USP6NL: variants seen among roughly 807,000 people sequenced by gnomAD.
The protein encoded by USP6NL is USP6 N-terminal like.
A neutral mutation model predicts 61.9 loss-of-function variants in USP6NL; 26 were observed. The observed-to-expected ratio is 0.42, with a 90% CI of 0.31 to 0.58. The LOEUF is 0.58. Ranked by LOEUF, USP6NL falls within the 20% of genes least tolerant of loss-of-function variation. USP6NL has a pLI of 0.16. For missense variants in USP6NL, 1,114 were observed against 1,034.3 expected (o/e 1.08, Z -1.06); for synonymous variants, 432 against 390.1 (o/e 1.11, Z -1.27).
Position 11,597,291 on chromosome 10 carries a change from C to G in USP6NL, c.4+340G>C, listed in dbSNP as rs1289236170. On this transcript the variant is annotated intron_variant, in intron 2 of 14. Transcript: ENST00000609104. The surrounding 1 kb of genome is among the most constrained non-coding windows in gnomAD (Gnocchi z 4.6). The stretch of plus-strand genomic sequence containing the variant: ...ATGATTAAATTTCACACAATAAAAT[C>G]TCTACTAATTATGGTCAACTGCAAT... 6.6e-6 allele frequency among the ~76,000 whole-genome samples: 1 copy of G among 152,060 alleles called. No homozygotes were observed. The highest frequency in any genetic ancestry group is 1.5e-5 in the Non-Finnish European group (1 of 68,006).
rs575122909 is a variant in USP6NL at position 11,463,645 on chromosome 10, G to A, written c.1283C>T (p.Ala428Val). The A allele has an allele frequency of 6.2e-7, 1 of 1,613,968 alleles. No homozygotes were observed. The highest frequency in any genetic ancestry group is 1.1e-5 in the South Asian group (1 of 91,076). ...CACCGATTTCCGTCTTGGCGGCTGT[G>A]CTCTCTCGGGCGTCCCGGTCCTGCT... The part of the protein sequence containing the change: ...PQSRTGTPER[A>V]QPPRRKSVEE... The change falls in exon 15 of 15, where the codon GCA (alanine) becomes GTA (valine). Residue 428 changes from alanine to valine, a missense_variant. By Grantham distance (64) the Ala-to-Val change is moderately conservative (BLOSUM62 0). Transcript: ENST00000609104. This position sits in a 1 kb window ranked among gnomAD's most constrained non-coding sequence, Gnocchi z 6.3.
intron 1 of USP6NL, among the ~76,000 whole-genome samples, chr10:11,605,887 A>G (rs1489335948): frequency 2.0e-5 from 3 of 152,200 alleles, no homozygotes; most frequent in Non-Finnish European, 2.9e-5. Flanking sequence ...TTCAGGGAGA[A>G]AATCTAACAT....
In USP6NL at chr10:11,463,457, A is replaced by G. The variant is rs762160431; in HGVS notation, c.1471T>C (p.Ser491Pro). 6.2e-7 allele frequency: 1 copy of G among 1,613,912 alleles called. No homozygotes were observed. Among genetic ancestry groups the G allele is most frequent in the African/African-American group, 1.3e-5 (1 of 74,930 alleles). The change falls in exon 15 of 15, where the codon TCA becomes CCA. Residue 491 changes from serine to proline, a missense_variant. By Grantham distance (74) the Ser-to-Pro change is moderately conservative (BLOSUM62 -1). Transcript: ENST00000609104. This position sits in a 1 kb window ranked among gnomAD's most constrained non-coding sequence, Gnocchi z 6.3. ...KEFVPKWNKP[S>P]DVSATERTAK... is the part of the protein sequence containing the mutation. ...GTTCTCTCTGTAGCTGAGACGTCTG[A>G]CGGTTTATTCCATTTGGGCACAAAC...
Position 11,610,779 on chromosome 10 carries a change from G to C in USP6NL, c.-84+664C>G, listed in dbSNP as rs569594381. Among the ~76,000 whole-genome samples, 62 of 152,182 alleles carry C rather than the reference G, an allele frequency of 4.1e-4. 1 individual carries two copies. In the South Asian group the frequency reaches 0.011, roughly 27 times the overall value. ...GTTGGGAAAGAAAGGGATAAGGGTT[G>C]GGGGTGGGGAGAGACAACATTTTCA... is the stretch of plus-strand genomic sequence containing the variant. On this transcript the variant is annotated intron_variant, in intron 1 of 14. Transcript: ENST00000609104.
intron 6 of USP6NL, among the ~76,000 whole-genome samples, chr10:11,502,064 C>T (rs1423360358): frequency 6.6e-6 from 1 of 152,070 alleles, no homozygotes; most frequent in Non-Finnish European, 1.5e-5. Flanking sequence ...GGAGACCATC[C>T]TGGCTAACAC....
Position 11,513,055 on chromosome 10 carries a change from TAC to T in USP6NL, c.196-3382_196-3381del, listed in dbSNP as rs532454694. On this transcript the variant is annotated intron_variant, in intron 5 of 14. Coordinates refer to ENST00000609104, the MANE Select transcript of USP6NL (RefSeq NM_014688.5). This position sits in a 1 kb window ranked among gnomAD's most constrained non-coding sequence, Gnocchi z 4.7. ...ATTATCAAAGTATGAACTCCTTGACTACAGAGACTGGATATGTTCATGTTTTT... is the reference window on the plus strand; with the variant it reads ...ATTATCAAAGTATGAACTCCTTGACTAGAGACTGGATATGTTCATGTTTTT... Among the ~76,000 whole-genome samples, 34 of 152,368 alleles carry T rather than the reference TAC, an allele frequency of 2.2e-4. No individual in the cohort carries two copies. Among genetic ancestry groups the T allele is most frequent in the Admixed American group, 9.8e-4 (15 of 15,304 alleles).
intron 14 of USP6NL, among the ~76,000 whole-genome samples, chr10:11,473,118 G>T (rs1351738191): frequency 6.6e-6 from 1 of 152,186 alleles, no homozygotes; most frequent in African/African-American, 2.4e-5. Flanking sequence ...CTATGTATGT[G>T]CAGTCAAGCT....
chr10:11,514,699 CTG>C (rs1315064976), intron 5 of USP6NL, among the ~76,000 whole-genome samples: 1 of 152,182 alleles, frequency 6.6e-6, no homozygotes, highest in Admixed American at 6.5e-5. Context: ...GTTCAAGAAC[CTG>C]TGATTCCCTG....
chr10:11,533,229 A>G (rs1207114722), intron 2 of USP6NL, among the ~76,000 whole-genome samples: 1 of 152,258 alleles, frequency 6.6e-6, no homozygotes, highest in African/African-American at 2.4e-5. Flanking sequence ...CTAATCAGCT[A>G]GAAGATAATG....
At chr10:11,570,678 G>T (rs1379071704) in intron 2 of USP6NL, among the ~76,000 whole-genome samples, 1 of 152,124 alleles carries the variant, frequency 6.6e-6, no homozygotes, top group African/African-American at 2.4e-5. Flanking sequence ...AGAAAAGCAG[G>T]ATCTTCAGTA....
At position 11,463,630 on chromosome 10, in the gene USP6NL, C is replaced by T. The variant is rs1362506945; in HGVS notation, c.1298G>A (p.Arg433Gln). ...TTTGCTCTCCTCCTCCACCGATTTC[C>T]GTCTTGGCGGCTGTGCTCTCTCGGG... ...GTPERAQPPR[R>Q]KSVEEESKKL... Residue 433 changes from arginine (R) to glutamine (Q), a missense_variant, in exon 15 of 15, where the codon CGG becomes CAG. Physicochemically the swap from Arg to Gln is conservative, Grantham distance 43. Coordinates refer to ENST00000609104, the MANE Select transcript of USP6NL (RefSeq NM_014688.5). The surrounding 1 kb of genome is among the most constrained non-coding windows in gnomAD (Gnocchi z 6.3). 1 of 1,613,838 alleles carries T rather than the reference C, an allele frequency of 6.2e-7. No individual in the cohort carries two copies. The highest frequency in any genetic ancestry group is 8.5e-7 in the Non-Finnish European group (1 of 1,179,892).
At chr10:11,605,479 T>C (rs571450848) in intron 1 of USP6NL, among the ~76,000 whole-genome samples, 110 of 152,190 alleles carry the variant, frequency 7.2e-4, no homozygotes, top group African/African-American at 2.6e-3. Flanking sequence ...TCAAACACAA[T>C]GACCAGCACA....
chr10:11,504,566 A>AT (rs1834355038), intron 6 of USP6NL, among the ~76,000 whole-genome samples: 1 of 152,250 alleles, frequency 6.6e-6, no homozygotes, highest in African/African-American at 2.4e-5. Flanking sequence ...TTACCGCTTT[A>AT]TTAAAGTGGC....
rs1389445852 is a variant in USP6NL at position 11,537,862 on chromosome 10, A to G, written c.5-10295T>C. Among the ~76,000 whole-genome samples the G allele has an allele frequency of 6.6e-6, 1 of 152,186 alleles. No individual in the cohort carries two copies. Among genetic ancestry groups the G allele is most frequent in the Non-Finnish European group, 1.5e-5 (1 of 68,024 alleles). On this transcript the variant is annotated intron_variant, in intron 2 of 14. Transcript: ENST00000609104. The surrounding 1 kb of genome is among the most constrained non-coding windows in gnomAD (Gnocchi z 5.1). The stretch of plus-strand genomic sequence containing the variant: ...CCTTCCCGTCAGCTTCCCAGCTGCC[A>G]CCTCAGCCTCCCTTCAAGGAGTCCC...
rs1251282722 is a variant in USP6NL at position 11,540,728 on chromosome 10, TAAATAAA to T, written c.5-13168_5-13162del. Reference sequence around the variant, plus strand: ...ACCCAATGGTAACATTTCTACCCTTTAAATAAAAAATAATGTGCAAAAGCCAAACTGT... The same window carrying T: ...ACCCAATGGTAACATTTCTACCCTTTAAATAATGTGCAAAAGCCAAACTGT... On this transcript the variant is annotated intron_variant, in intron 2 of 14. Transcript: ENST00000609104. The surrounding 1 kb of genome is among the most constrained non-coding windows in gnomAD (Gnocchi z 5.0). 6.6e-6 allele frequency among the ~76,000 whole-genome samples: 1 copy of T among 152,116 alleles called. No homozygotes were observed. The highest frequency in any genetic ancestry group is 1.5e-5 in the Non-Finnish European group (1 of 68,022).
chr10:11,534,943 A>G (rs1478041486), intron 2 of USP6NL, among the ~76,000 whole-genome samples: 2 of 152,250 alleles, frequency 1.3e-5, no homozygotes, highest in East Asian at 3.8e-4. Context: ...AATCATTGTT[A>G]GCTGCCAAAA....
At chr10:11,601,221 A>G (rs1394360830) in intron 1 of USP6NL, among the ~76,000 whole-genome samples, 1 of 152,230 alleles carries the variant, frequency 6.6e-6, no homozygotes, top group African/African-American at 2.4e-5. Flanking sequence ...AGTATTACTG[A>G]TATATACTTA....
rs1356508244 is a variant in USP6NL, at chr10:11,484,998, A to T, written c.898T>A (p.Ser300Thr). 1 of 1,549,538 alleles carries T rather than the reference A, an allele frequency of 6.5e-7. No homozygotes were observed. Residue 300 changes from serine (S) to threonine (T), a missense_variant, in exon 13 of 15, where the codon TCT (serine) becomes ACT (threonine). Coordinates refer to ENST00000609104, the MANE Select transcript of USP6NL (RefSeq NM_014688.5). ...TTGTGTAATTTTAAGATGGTGTAAGACATAGCAGTAAGAACTCGTTCTCCT... is the reference window on the plus strand; with the variant it reads ...TTGTGTAATTTTAAGATGGTGTAAGTCATAGCAGTAAGAACTCGTTCTCCT... ...FEGERVLTAM[S>T]YTILKLHKKH... is the part of the protein sequence containing the mutation.
intron 2 of USP6NL, among the ~76,000 whole-genome samples, chr10:11,572,670 T>G (rs1164692586): frequency 6.6e-6 from 1 of 152,070 alleles, no homozygotes; most frequent in Non-Finnish European, 1.5e-5. Context: ...AAATATAAAG[T>G]AATCTACATT....
Sources: allele counts gnomAD v4.1 joint callset (sites outside exome capture counted in the v4.1 genomes callset), GRCh38; gene constraint gnomAD v4.1.1; non-coding constraint Gnocchi (gnomAD v3.1); transcripts MANE v1.5; gene names NCBI Gene and HGNC (gene_info 2026-07-23, HGNC 2026-07-21).